Variants in PEBP4 observed in about 807,000 individuals in gnomAD.
PEBP4 encodes phosphatidylethanolamine-binding protein 4.
PEBP4 carries 22 observed loss-of-function variants against 23.9 expected under a neutral mutation model. The observed-to-expected ratio is 0.92, with a 90% CI of 0.66 to 1.31. The LOEUF is 1.31. PEBP4 is among the 40% of genes most tolerant of loss of function. The probability of loss-of-function intolerance (pLI) is 0.00; values close to 1 mark genes in which losing one functional copy is unlikely to be tolerated. For synonymous variants in PEBP4, 112 were observed against 99.3 expected (o/e 1.13, Z -0.76); for missense variants, 324 against 281.7 (o/e 1.15, Z -1.07).
chr8:22,899,651 T>C (rs1022123748), intron 3 of PEBP4, among the ~76,000 whole-genome samples: 1 of 152,192 alleles, frequency 6.6e-6, no homozygotes, highest in East Asian at 1.9e-4. Flanking sequence ...CTATGACTCC[T>C]GGCTACTTTT....
At chr8:22,904,343 A>G (rs988592269) in intron 3 of PEBP4, among the ~76,000 whole-genome samples, 2 of 152,036 alleles carry the variant, frequency 1.3e-5, no homozygotes, top group Non-Finnish European at 2.9e-5. Context: ...CCACCCCTAG[A>G]CCTGTGCCCA....
chr8:22,732,867 C>CACTGCT (rs1804768603), intron 4 of PEBP4, among the ~76,000 whole-genome samples: 1 of 152,178 alleles, frequency 6.6e-6, no homozygotes, highest in Admixed American at 6.5e-5. Flanking sequence ...CCTCAGATCC[C>CACTGCT]ACTGCTTCTC....
chr8:22,797,155 G>A (rs1806277341), intron 4 of PEBP4, among the ~76,000 whole-genome samples: 1 of 151,278 alleles, frequency 6.6e-6, no homozygotes, highest in Non-Finnish European at 1.5e-5. Context: ...TTGGAAGGCT[G>A]AGGCAGAAGA....
chr8:22,757,351 G>C (rs1805408646), intron 4 of PEBP4: 1 of 152,220 alleles, frequency 6.6e-6, no homozygotes, highest in Non-Finnish European at 1.5e-5. Flanking sequence ...AGGTTCCCGA[G>C]GTCGTTGGAA....
At chr8:22,855,180 CCTCT>C (rs2128767747) in intron 3 of PEBP4, among the ~76,000 whole-genome samples, 1 of 152,234 alleles carries the variant, frequency 6.6e-6, no homozygotes, top group South Asian at 2.1e-4. Flanking sequence ...ATCAACTCCT[CCTCT>C]CTCTCTGCGC....
intron 3 of PEBP4, among the ~76,000 whole-genome samples, chr8:22,870,875 C>T (rs1047213852): frequency 2.0e-5 from 3 of 152,136 alleles, no homozygotes; most frequent in Non-Finnish European, 2.9e-5. Context: ...GGACCTCTGC[C>T]AGAGAAGGGG....
chr8:22,724,835 G>A lies in PEBP4; in HGVS notation c.517+8C>T, dbSNP rs763296463. Reference sequence around the variant, plus strand: ...CCGGTGGTGGCTGGAAGGATGGGGAGGTCTTACCTCGAGTTTTGTTTTCCT... The same window carrying A: ...CCGGTGGTGGCTGGAAGGATGGGGAAGTCTTACCTCGAGTTTTGTTTTCCT... On this transcript the variant is annotated splice_region_variant and intron_variant, in intron 6 of 6. Transcript: ENST00000256404. 6.2e-7 allele frequency: 1 copy of A among 1,600,136 alleles called. No individual in the cohort carries two copies. Among genetic ancestry groups the A allele is most frequent in the East Asian group, 2.2e-5 (1 of 44,818 alleles).
At chr8:22,746,952 A>T (rs1563202694) in intron 4 of PEBP4, among the ~76,000 whole-genome samples, 3 of 152,134 alleles carry the variant, frequency 2.0e-5, no homozygotes, top group South Asian at 4.1e-4. Context: ...CAGCCTCCCA[A>T]GCAGCTGGGA....
chr8:22,813,354 CT>C (rs1563224682), intron 4 of PEBP4, among the ~76,000 whole-genome samples: 1 of 152,108 alleles, frequency 6.6e-6, no homozygotes, highest in African/African-American at 2.4e-5. Context: ...GGAAGATTTT[CT>C]TTTTTGGAAG....
chr8:22,938,122 T>C (rs1232044106), intron 1 of PEBP4, among the ~76,000 whole-genome samples: 2 of 151,960 alleles, frequency 1.3e-5, no homozygotes, highest in African/African-American at 2.4e-5. Flanking sequence ...CAAAGGACAC[T>C]ATCAAGACAG....
chr8:22,900,448 A>G (rs367971505), intron 3 of PEBP4, among the ~76,000 whole-genome samples: 10 of 152,246 alleles, frequency 6.6e-5, no homozygotes, highest in African/African-American at 2.4e-4. Context: ...CAGGGGTTCG[A>G]GACCAGCCTG....
At chr8:22,735,881 G>A (rs1182559939) in intron 4 of PEBP4, among the ~76,000 whole-genome samples, 2 of 152,220 alleles carry the variant, frequency 1.3e-5, no homozygotes, top group African/African-American at 4.8e-5. Context: ...GGTAATAAAA[G>A]GGCTACATGT....
chr8:22,906,233 C>T (rs1808810214), intron 3 of PEBP4, among the ~76,000 whole-genome samples: 1 of 152,118 alleles, frequency 6.6e-6, no homozygotes, highest in Non-Finnish European at 1.5e-5. Flanking sequence ...ACTGTCCAGG[C>T]AGAGGACACT....
intron 3 of PEBP4, among the ~76,000 whole-genome samples, chr8:22,891,414 C>G (rs376474981): frequency 6.6e-6 from 1 of 152,190 alleles, no homozygotes; most frequent in Non-Finnish European, 1.5e-5. Flanking sequence ...TCCAATGAAA[C>G]CCAAGTAACA....
At chr8:22,730,852 A>G (rs1479159245) in intron 4 of PEBP4, among the ~76,000 whole-genome samples, 1 of 152,214 alleles carries the variant, frequency 6.6e-6, no homozygotes, top group Admixed American at 6.5e-5. Context: ...CCTAACAGGT[A>G]TTGATTCTAT....
chr8:22,747,551 G>T (rs1805150226), intron 4 of PEBP4: 1 of 151,494 alleles, frequency 6.6e-6, no homozygotes. Flanking sequence ...AGAGCTGGGG[G>T]AGCCAGTGTG....
chr8:22,932,543 C>CA (rs1563266474), upstream of PEBP4, among the ~76,000 whole-genome samples: 54 of 151,728 alleles, frequency 3.6e-4, 1 homozygote, highest in South Asian at 6.3e-4. Flanking sequence ...ACACACACAC[C>CA]CCCAGAGAGA....
chr8:22,815,725 C>T (rs1806726967), intron 4 of PEBP4, among the ~76,000 whole-genome samples: 1 of 152,216 alleles, frequency 6.6e-6, no homozygotes, highest in African/African-American at 2.4e-5. Context: ...CCTTGCCGGA[C>T]AGCTGCCACC....
chr8:22,726,587 C>A (rs955589279), intron 5 of PEBP4, among the ~76,000 whole-genome samples: 1 of 152,230 alleles, frequency 6.6e-6, no homozygotes, highest in Non-Finnish European at 1.5e-5. Flanking sequence ...GACCACTTCT[C>A]CGGGCCAGGC....
Sources: allele counts gnomAD v4.1 joint callset (sites outside exome capture counted in the v4.1 genomes callset), GRCh38; gene constraint gnomAD v4.1.1; transcripts MANE v1.5; gene names NCBI Gene and HGNC (gene_info 2026-07-23, HGNC 2026-07-21).